The following TAFA5 variants were observed in gnomAD, a reference collection of about 807,000 sequenced individuals.
The protein encoded by TAFA5 is TAFA chemokine like family member 5.
TAFA5 carries 6 observed loss-of-function variants against 15.3 expected under a neutral mutation model. That is an observed-to-expected ratio of 0.39 (90% confidence interval 0.21 to 0.77). TAFA5 has a LOEUF of 0.77. Ranked by LOEUF, TAFA5 falls within the 30% of genes least tolerant of loss-of-function variation. The probability of loss-of-function intolerance (pLI) is 0.41; values close to 1 mark genes in which losing one functional copy is unlikely to be tolerated. For missense variants in TAFA5, 161 were observed against 193.1 expected (o/e 0.83, Z 0.98); for synonymous variants, 103 against 80.7 (o/e 1.28, Z -1.48).
At chr22:48,694,561 G>C (rs925817559) in intron 2 of TAFA5, among the ~76,000 whole-genome samples, 2 of 151,854 alleles carry the variant, frequency 1.3e-5, no homozygotes, top group African/African-American at 4.8e-5. Flanking sequence ...CAGGAAGCCC[G>C]GCTGTGTCCG....
At chr22:48,641,481 C>T (rs1926673782) in intron 1 of TAFA5, among the ~76,000 whole-genome samples, 1 of 152,216 alleles carries the variant, frequency 6.6e-6, no homozygotes, top group East Asian at 1.9e-4. Context: ...AGAAAACTCC[C>T]CCAAAGGCAG....
Position 48,646,725 on chromosome 22 carries a change from G to A in TAFA5, c.241G>A (p.Ala81Thr), listed in dbSNP as rs763571154. Residue 81 changes from alanine (A) to threonine (T), a missense_variant, in exon 2 of 4, where the codon GCC becomes ACC. Transcript: ENST00000402357. ...RKGQIAGTTR[A>T]RPACVDARII... Reference sequence around the variant, plus strand: ...GGGGCAGATCGCCGGCACCACGAGAGCCCGGCCCGCCTGTGTGGACGGTAA... The same window carrying A: ...GGGGCAGATCGCCGGCACCACGAGAACCCGGCCCGCCTGTGTGGACGGTAA... 2 of 1,580,656 alleles carry A rather than the reference G, an allele frequency of 1.3e-6. No individual in the cohort carries two copies. The highest frequency in any genetic ancestry group is 2.3e-5 in the East Asian group (1 of 43,740).
chr22:48,587,656 G>A (rs1197395822), intron 1 of TAFA5, among the ~76,000 whole-genome samples: 1 of 152,230 alleles, frequency 6.6e-6, no homozygotes, highest in East Asian at 1.9e-4. Context: ...GGGCCGCCCT[G>A]TGGGGTAGGC....
At chr22:48,734,975 A>G (rs118176) in intron 3 of TAFA5, among the ~76,000 whole-genome samples, 105,646 of 152,108 alleles carry the variant, frequency 0.69, 37,788 homozygotes, top group African/African-American at 0.77. Flanking sequence ...ATTGATCTGC[A>G]TGTGGCGTGA....
chr22:48,509,041 G>T (rs142486737), intron 1 of TAFA5, among the ~76,000 whole-genome samples: 1 of 152,016 alleles, frequency 6.6e-6, no homozygotes, highest in African/African-American at 2.4e-5. Context: ...TAGCTCTTAC[G>T]TATGAATGAG....
chr22:48,648,261 G>T (rs1926934614), intron 2 of TAFA5, among the ~76,000 whole-genome samples: 1 of 152,166 alleles, frequency 6.6e-6, no homozygotes, highest in South Asian at 2.1e-4. Context: ...GCCTCCCAGG[G>T]CTGGATTTGG....
At chr22:48,518,445 T>C (rs1011092912) in intron 1 of TAFA5, among the ~76,000 whole-genome samples, 2 of 152,178 alleles carry the variant, frequency 1.3e-5, no homozygotes, top group Non-Finnish European at 2.9e-5. Flanking sequence ...CACCTCCCCC[T>C]GTCCCACCTG....
At chr22:48,571,402 G>A (rs1004256582) in intron 1 of TAFA5, among the ~76,000 whole-genome samples, 2 of 150,254 alleles carry the variant, frequency 1.3e-5, no homozygotes, top group African/African-American at 4.9e-5. Flanking sequence ...AGCATCTGGA[G>A]TACCTGGGAT....
chr22:48,607,688 C>G (rs759523302), intron 1 of TAFA5, among the ~76,000 whole-genome samples: 2 of 152,188 alleles, frequency 1.3e-5, no homozygotes, highest in Non-Finnish European at 2.9e-5. Context: ...CTGGCCCACC[C>G]ATCCCTGTTG....
chr22:48,625,353 AC>A (rs1392237832), intron 1 of TAFA5, among the ~76,000 whole-genome samples: 1 of 152,056 alleles, frequency 6.6e-6, no homozygotes, highest in Admixed American at 6.5e-5. Flanking sequence ...TCTGATCACC[AC>A]CCCGTGGATT....
At chr22:48,664,350 C>T (rs964573801) in intron 2 of TAFA5, among the ~76,000 whole-genome samples, 2 of 152,182 alleles carry the variant, frequency 1.3e-5, no homozygotes, top group Non-Finnish European at 2.9e-5. Context: ...GTAGTCGTGT[C>T]TCGTGAAATG....
At chr22:48,533,205 C>T (rs996684305) in intron 1 of TAFA5, among the ~76,000 whole-genome samples, 3 of 152,066 alleles carry the variant, frequency 2.0e-5, no homozygotes, top group African/African-American at 7.2e-5. Flanking sequence ...GTGAGGGGAC[C>T]GGCGGTGATT....
chr22:48,505,336 C>A, intron 1 of TAFA5, among the ~76,000 whole-genome samples: 1 of 152,168 alleles, frequency 6.6e-6, no homozygotes, highest in East Asian at 1.9e-4. Context: ...CTCAGGGATC[C>A]ATCATCTACA....
chr22:48,686,100 C>G (rs1928346178), intron 2 of TAFA5, among the ~76,000 whole-genome samples: 2 of 152,204 alleles, frequency 1.3e-5, no homozygotes, highest in Non-Finnish European at 2.9e-5. Context: ...GCCAAGGTCA[C>G]TCCCACTTCT....
At chr22:48,684,857 A>G (rs924454786) in intron 2 of TAFA5, among the ~76,000 whole-genome samples, 9 of 152,220 alleles carry the variant, frequency 5.9e-5, no homozygotes, top group Non-Finnish European at 1.3e-4. Flanking sequence ...TGCGGCTCCC[A>G]GAGGAGCTTC....
At position 48,666,513 on chromosome 22, in the gene TAFA5, G is replaced by GA. The variant is rs1456550640; in HGVS notation, c.262+19767_262+19768insA. On this transcript the variant is annotated intron_variant, in intron 2 of 3. Transcript: ENST00000402357. ...CCAATACTGAGGCCCATGACCAGGC[G>GA]TTACTGAGGCCCGTGACCAGGCAAT... is the stretch of plus-strand genomic sequence containing the variant. Among the ~76,000 whole-genome samples, 268 of 57,598 alleles carry GA rather than the reference G, an allele frequency of 4.7e-3. 1 individual carries two copies. Among genetic ancestry groups the GA allele is most frequent in the Middle Eastern group, 0.021 (2 of 94 alleles). 37.8% of individuals were successfully genotyped at this position (57,598 alleles called of 152,430 possible).
rs375137888 is a variant in TAFA5 at position 48,742,479 on chromosome 22, G to A, written c.391-7360G>A. ...GGTGCTGTGTGGCGGAGCTGGCGGC[G>A]CAGTGGAGCGGGCGTTGTGGTGGAC... On this transcript the variant is annotated intron_variant, in intron 3 of 3. Transcript: ENST00000402357. This position sits in a 1 kb window ranked among gnomAD's most constrained non-coding sequence, Gnocchi z 6.2. Among the ~76,000 whole-genome samples the A allele has an allele frequency of 4.6e-5, 7 of 152,152 alleles. No homozygotes were observed. The highest frequency in any genetic ancestry group is 4.8e-5 in the African/African-American group (2 of 41,426).
intron 1 of TAFA5, among the ~76,000 whole-genome samples, chr22:48,639,017 G>A (rs1926578847): frequency 6.6e-6 from 1 of 152,110 alleles, no homozygotes; most frequent in Admixed American, 6.5e-5. Flanking sequence ...CACACAGGCG[G>A]GACCCCGACA....
intron 1 of TAFA5, among the ~76,000 whole-genome samples, chr22:48,610,626 G>A (rs1043989388): frequency 5.3e-5 from 8 of 151,130 alleles, no homozygotes; most frequent in Non-Finnish European, 7.4e-5. Context: ...CAGGCAGCTC[G>A]GGACCACCTG....
Sources: allele counts gnomAD v4.1 joint callset (sites outside exome capture counted in the v4.1 genomes callset), GRCh38; gene constraint gnomAD v4.1.1; non-coding constraint Gnocchi (gnomAD v3.1); transcripts MANE v1.5; gene names NCBI Gene and HGNC (gene_info 2026-07-23, HGNC 2026-07-21).